NID2: variants seen among roughly 807,000 people sequenced by gnomAD.
NID2 encodes the protein nidogen-2.
In NID2, 83 loss-of-function variants were observed where a neutral mutation model predicts 145.4. The ratio of observed to expected loss-of-function variants is 0.57; its 90% CI spans 0.48 to 0.69. NID2 has a LOEUF of 0.69. Among genes scored for constraint, NID2 ranks in the 30% least tolerant of loss-of-function variants. The pLI is 0.00. For synonymous variants in NID2, 739 were observed against 701.3 expected (o/e 1.05, Z -0.85); for missense variants, 1,807 against 1,765.7 (o/e 1.02, Z -0.42).
chr14:52,053,448 G>T (rs1046240693), intron 5 of NID2, 131 bp downstream of exon 5: 9 of 983,896 alleles, frequency 9.1e-6, no homozygotes, highest in African/African-American at 1.6e-5. Flanking sequence ...GAAACACAGG[G>T]ATTAAAAATT....
intron 17 of NID2, among the ~76,000 whole-genome samples, chr14:52,011,303 G>A (rs774710297): frequency 2.0e-5 from 3 of 152,162 alleles, no homozygotes; most frequent in Non-Finnish European, 4.4e-5. Flanking sequence ...CTGAATAAAC[G>A]AAGGCGTCAC....
intron 5 of NID2, among the ~76,000 whole-genome samples, chr14:52,045,736 G>A (rs1892467030): frequency 6.6e-6 from 1 of 152,134 alleles, no homozygotes; most frequent in Non-Finnish European, 1.5e-5. Context: ...CTAAGTGTAA[G>A]GAAGCAGCTA....
intron 20 of NID2, 154 bp downstream of exon 20, chr14:52,006,383 C>A: frequency 1.3e-6 from 1 of 769,100 alleles, no homozygotes; most frequent in Non-Finnish European, 2.1e-6. Context: ...GAAAAACATC[C>A]TTGAAGGATC....
chr14:52,005,784 C>G lies in NID2; in HGVS notation c.4070G>C (p.Arg1357Pro), dbSNP rs149021065. The G allele has an allele frequency of 1.9e-6, 3 of 1,613,762 alleles. No homozygotes were observed. The highest frequency in any genetic ancestry group is 2.5e-6 in the Non-Finnish European group (3 of 1,179,830). The change falls in exon 21 of 22, where the codon CGA becomes CCA. Residue 1357 changes from arginine to proline, a missense_variant. Coordinates refer to ENST00000216286, the MANE Select transcript of NID2 (RefSeq NM_007361.4). ...TGCAGTTATCCCGTAGAGGTGAGAT[C>G]GTTGTTCTGGGAGATACTCATCAGT... ...QFTDEYLPEQ[R>P]SHLYGITAVY...
At chr14:52,043,160 T>C (rs549178249) in intron 5 of NID2, among the ~76,000 whole-genome samples, 2 of 152,296 alleles carry the variant, frequency 1.3e-5, no homozygotes, top group South Asian at 4.1e-4. Flanking sequence ...GTTGGTGAAC[T>C]AAGATGAGAC....
chr14:52,054,020 C>G lies in NID2; in HGVS notation c.1069G>C (p.Glu357Gln), dbSNP rs369453507. ...TCAGAATCTGGAGGGGAGATCCTAC[C>G]CTCTAAAGGCTTTGTATCCACTTTG... ...QSKVDTKPLE[E>Q]SSTLDPHTKE... The change falls in exon 4 of 22, where the codon GAA (glutamate) becomes CAA (glutamine). Residue 357 changes from glutamate (E) to glutamine (Q), a missense_variant and splice_region_variant. Coordinates refer to ENST00000216286, the MANE Select transcript of NID2 (RefSeq NM_007361.4). The G allele has an allele frequency of 1.2e-6, 2 of 1,612,680 alleles. No homozygotes were observed. Among genetic ancestry groups the G allele is most frequent in the African/African-American group, 2.7e-5 (2 of 74,862 alleles).
At chr14:52,026,612 G>A (rs554903731) in intron 12 of NID2, among the ~76,000 whole-genome samples, 94 of 152,186 alleles carry the variant, frequency 6.2e-4, no homozygotes, top group African/African-American at 2.1e-3. Context: ...GAGTTATGTC[G>A]AGCCTTTAAA....
In NID2 at chr14:52,042,873, G is replaced by C. The variant is rs1284860580; in HGVS notation, c.1488C>G (p.Ser496=). 6.2e-7 allele frequency: 1 copy of C among 1,614,184 alleles called. No individual in the cohort carries two copies. Among genetic ancestry groups the C allele is most frequent in the Admixed American group, 1.7e-5 (1 of 60,024 alleles). Residue 496 remains serine (S), a synonymous_variant, in exon 6 of 22, where the codon TCC becomes TCG. Transcript: ENST00000216286. ...ETCEHNHRQC[S]RHAFCTDYAT... is the part of the protein sequence containing the mutation. ...CATAGTCCGTGCAGAAGGCATGCCG[G>C]GAGCATTGTCTGTGGTTGTGTTCAC...
At chr14:52,027,589 T>TA (rs140170580) in intron 11 of NID2, among the ~76,000 whole-genome samples, 36,254 of 150,968 alleles carry the variant, frequency 0.24, 4,400 homozygotes, top group African/African-American at 0.25. Flanking sequence ...ACCCATCACC[T>TA]AAGCAGTCCT....
rs1890698431 is a variant in NID2 at position 52,004,938 on chromosome 14, A to ATTGAATCAT, written c.*539_*547dup. 6.3e-6 allele frequency: 1 copy of ATTGAATCAT among 158,544 alleles called. No individual in the cohort carries two copies. Among genetic ancestry groups the ATTGAATCAT allele is most frequent in the Admixed American group, 6.4e-5 (1 of 15,540 alleles). The allele number at this position is 158,544 out of a possible 1,614,324, so 9.8% of individuals were successfully genotyped here. On this transcript the variant is annotated 3_prime_UTR_variant, in exon 22 of 22. Transcript: ENST00000216286. ...GGCACTACAGGATCAGAAAATGCAA[A>ATTGAATCAT]TTGAATCATTTTAGCACCTTTTGAT...
chr14:52,058,690 T>C (rs1497080), intron 3 of NID2, among the ~76,000 whole-genome samples: 150,650 of 152,144 alleles, frequency 0.99, 74,604 homozygotes, highest in Middle Eastern at 1. Flanking sequence ...CCTGTGTAGA[T>C]GCCAGCACTT....
intron 2 of NID2, among the ~76,000 whole-genome samples, chr14:52,065,557 GGTTA>G (rs1012341060): frequency 7.8e-6 from 1 of 128,526 alleles, no homozygotes; most frequent in African/African-American, 3.1e-5. Context: ...ACATTGTGCA[GGTTA>G]GTTACATATG....
chr14:52,041,099 A>T (rs1013643054), intron 7 of NID2, among the ~76,000 whole-genome samples: 1 of 152,200 alleles, frequency 6.6e-6, no homozygotes, highest in African/African-American at 2.4e-5. Flanking sequence ...TTCTGTGAGA[A>T]ATACTCTTGG....
At chr14:52,018,527 TGGGCTGGGTTACAGA>T (rs1891293551) in intron 14 of NID2, among the ~76,000 whole-genome samples, 1 of 152,222 alleles carries the variant, frequency 6.6e-6, no homozygotes, top group Non-Finnish European at 1.5e-5. Context: ...TCTGAGATGT[TGGGCTGGGTTACAGA>T]GGGCTGGGAT....
chr14:52,024,350 G>A (rs56003563), intron 12 of NID2, among the ~76,000 whole-genome samples: 1 of 152,106 alleles, frequency 6.6e-6, no homozygotes, highest in African/African-American at 2.4e-5. Context: ...AATAAAGTAA[G>A]CTGTAGTGTT....
At chr14:52,021,393 G>A (rs1452547860) in intron 12 of NID2, among the ~76,000 whole-genome samples, 1 of 152,100 alleles carries the variant, frequency 6.6e-6, no homozygotes, top group East Asian at 1.9e-4. Flanking sequence ...CCTCACCCAG[G>A]CTCCCATGAC....
intron 17 of NID2, 36 bp downstream of exon 17, chr14:52,011,518 C>G (rs1367660337): frequency 3.7e-6 from 6 of 1,612,146 alleles, no homozygotes; most frequent in Non-Finnish European, 5.1e-6. Flanking sequence ...TTTGTAGAAT[C>G]AAATGAAATG....
At chr14:52,028,420 G>A (rs1040265729) in intron 11 of NID2, among the ~76,000 whole-genome samples, 13 of 152,104 alleles carry the variant, frequency 8.5e-5, no homozygotes, top group Admixed American at 2.6e-4. Flanking sequence ...GACTACAGGC[G>A]TGTGCCACCA....
intron 9 of NID2, among the ~76,000 whole-genome samples, chr14:52,030,568 G>GAACGAACA (rs1555363723): frequency 5.3e-5 from 2 of 37,696 alleles, no homozygotes; most frequent in African/African-American, 1.9e-4. Flanking sequence ...AAGAAAGAAA[G>GAACGAACA]GAAGGAAGGG....
Sources: gnomAD v4.1 joint callset for allele counts (sites outside exome capture counted in the v4.1 genomes callset) on GRCh38, gnomAD v4.1.1 for gene constraint, MANE v1.5 for transcripts, NCBI Gene and HGNC (gene_info 2026-07-23, HGNC 2026-07-21) for gene names.